Variants in EXTL3 observed in about 807,000 individuals in gnomAD.
EXTL3 encodes the protein exostosin like glycosyltransferase 3.
A neutral mutation model predicts 69.3 loss-of-function variants in EXTL3; 27 were observed. That is an observed-to-expected ratio of 0.39 (90% CI 0.29 to 0.54). The LOEUF (loss-of-function observed/expected upper bound fraction) is 0.54, where lower values mean the gene tolerates loss of function less well. Ranked by LOEUF, EXTL3 falls within the 20% of genes least tolerant of loss-of-function variation. The probability of loss-of-function intolerance (pLI) is 0.69; values close to 1 mark genes in which losing one functional copy is unlikely to be tolerated. For synonymous variants in EXTL3, 511 were observed against 499.4 expected (o/e 1.02, Z -0.31); for missense variants, 1,003 against 1,231.8 (o/e 0.81, Z 2.78).
intron 2 of EXTL3, among the ~76,000 whole-genome samples, chr8:28,613,701 G>A (rs10110682): frequency 0.037 from 5,699 of 152,200 alleles, 285 homozygotes; most frequent in African/African-American, 0.11. Flanking sequence ...TTCTCCTTAT[G>A]TGAGTTCAAG....
upstream of EXTL3, among the ~76,000 whole-genome samples, chr8:28,621,786 G>A (rs1402998103): frequency 6.6e-6 from 1 of 152,186 alleles, no homozygotes; most frequent in African/African-American, 2.4e-5. Flanking sequence ...CTACTTGGAA[G>A]CTGCTTCTTC....
intron 1 of EXTL3, among the ~76,000 whole-genome samples, chr8:28,684,788 G>A (rs1384504914): frequency 6.6e-6 from 1 of 152,088 alleles, no homozygotes; most frequent in Non-Finnish European, 1.5e-5. Flanking sequence ...CATTTCAAAC[G>A]TGCAGAAAAG....
intron 5 of EXTL3, chr8:28,739,842 C>A (rs1225123404): frequency 6.6e-6 from 1 of 152,172 alleles, no homozygotes; most frequent in Non-Finnish European, 1.5e-5. Context: ...TTCACACTTG[C>A]TCAGCTAAGA....
At chr8:28,693,219 G>C (rs1205915492) in intron 1 of EXTL3, among the ~76,000 whole-genome samples, 1 of 148,012 alleles carries the variant, frequency 6.8e-6, no homozygotes, top group Non-Finnish European at 1.5e-5. Flanking sequence ...GCATAATCTC[G>C]GCTCACAGCA....
At chr8:28,629,509 C>T (rs1806542272) in intron 1 of EXTL3, among the ~76,000 whole-genome samples, 1 of 152,088 alleles carries the variant, frequency 6.6e-6, no homozygotes, top group Non-Finnish European at 1.5e-5. Flanking sequence ...AACCATCTGC[C>T]ATCTTTATTC....
Position 28,703,677 on chromosome 8 carries a change from G to C in EXTL3, c.-570+2018G>C, listed in dbSNP as rs919903799. 5.3e-5 allele frequency among the ~76,000 whole-genome samples: 8 copies of C among 152,204 alleles called. No homozygotes were observed. In the East Asian group the frequency reaches 1.5e-3, roughly 29 times the overall value. The stretch of plus-strand genomic sequence containing the variant: ...ACTCAGGTGTTAGGAGAAAAATGAA[G>C]TCCCATCAGACCTACTCTTGGTAAA... On this transcript the variant is annotated intron_variant, in intron 1 of 6. Coordinates refer to ENST00000220562, the MANE Select transcript of EXTL3 (RefSeq NM_001440.4).
At chr8:28,719,244 C>T (rs1233288782) in intron 3 of EXTL3, among the ~76,000 whole-genome samples, 4 of 152,174 alleles carry the variant, frequency 2.6e-5, no homozygotes, top group Admixed American at 6.5e-5. Flanking sequence ...ATTAAGTAGT[C>T]ATTTCGTGAT....
intron 1 of EXTL3, among the ~76,000 whole-genome samples, chr8:28,693,148 AT>A (rs749978399): frequency 0.034 from 4,644 of 135,186 alleles, 93 homozygotes; most frequent in Admixed American, 0.073. Flanking sequence ...CAGATAACAG[AT>A]TTTTTTTTTT....
chr8:28,646,609 T>C (rs1455069002), intron 1 of EXTL3, among the ~76,000 whole-genome samples: 1 of 152,228 alleles, frequency 6.6e-6, no homozygotes, highest in Admixed American at 6.5e-5. Context: ...GGTTACCTTG[T>C]AACTTCCAGT....
chr8:28,742,689 T>C lies in EXTL3; in HGVS notation c.2422-397T>C, dbSNP rs1020255841. On this transcript the variant is annotated intron_variant, in intron 5 of 6. Coordinates refer to ENST00000220562, the MANE Select transcript of EXTL3 (RefSeq NM_001440.4). ...GTGTGTTTCATGGTTCTGTGATTTA[T>C]TGAGGTCTGAGAAAATAACCAGGCT... 256 of 325,162 alleles carry C rather than the reference T, an allele frequency of 7.9e-4. 1 individual carries two copies. Among genetic ancestry groups the C allele is most frequent in the East Asian group, 4.2e-4 (5 of 12,034 alleles). 20.1% of individuals were successfully genotyped at this position (325,162 alleles called of 1,614,324 possible). A position where few individuals can be genotyped will look rare whatever the true frequency, so the allele number is the denominator to read the frequency against.
intron 1 of EXTL3, among the ~76,000 whole-genome samples, chr8:28,622,976 TCGTCCTGCCCGCGGGCCGGA>T (rs1385835887): frequency 6.6e-6 from 1 of 151,982 alleles, no homozygotes; most frequent in Non-Finnish European, 1.5e-5. Context: ...TCTGGCCCCG[TCGTCCTGCCCGCGGGCCGGA>T]CGTGGGGCGC....
At chr8:28,744,751 C>G (rs1801850238) in intron 6 of EXTL3, among the ~76,000 whole-genome samples, 1 of 151,648 alleles carries the variant, frequency 6.6e-6, no homozygotes, top group Non-Finnish European at 1.5e-5. Flanking sequence ...CAAGATCGCG[C>G]CACTGCACTC....
At chr8:28,705,921 G>A (rs1449388908) in intron 1 of EXTL3, among the ~76,000 whole-genome samples, 1 of 152,204 alleles carries the variant, frequency 6.6e-6, no homozygotes, top group East Asian at 1.9e-4. Context: ...CAATCTAGAA[G>A]TGCCTCTGTT....
intron 1 of EXTL3, 47 bp from the exon 2 acceptor site, chr8:28,713,410 G>A: frequency 1.5e-6 from 1 of 666,458 alleles, no homozygotes; most frequent in East Asian, 2.7e-5. Context: ...TTTTCTAATA[G>A]TATGTCACTG....
chr8:28,619,335 G>C (rs1023243485), upstream of EXTL3, among the ~76,000 whole-genome samples: 3 of 122,984 alleles, frequency 2.4e-5, no homozygotes, highest in South Asian at 2.8e-4. Flanking sequence ...AGCCCTGGAC[G>C]CTCTAACCTA....
At chr8:28,619,048 C>A (rs1451901414), upstream of EXTL3, among the ~76,000 whole-genome samples, 24 of 139,182 alleles carry the variant, frequency 1.7e-4, no homozygotes, top group African/African-American at 6.3e-4. Flanking sequence ...GCCAAGATTG[C>A]ACCACTGCAC....
chr8:28,625,595 A>G (rs1197047963), intron 1 of EXTL3, among the ~76,000 whole-genome samples: 2 of 152,228 alleles, frequency 1.3e-5, no homozygotes, highest in Non-Finnish European at 2.9e-5. Flanking sequence ...CTCTATTCCT[A>G]TTCATGTATT....
chr8:28,671,397 C>T (rs1028865693), intron 1 of EXTL3, among the ~76,000 whole-genome samples: 3 of 150,834 alleles, frequency 2.0e-5, no homozygotes, highest in African/African-American at 4.9e-5. Context: ...CTCTCTCCTC[C>T]GCAACCTCTC....
Position 28,731,224 on chromosome 8 carries a change from T to A in EXTL3, c.2150T>A (p.Val717Glu). The change falls in exon 4 of 7, where the codon GTG (valine) becomes GAG (glutamate). Residue 717 changes from valine to glutamate, a missense_variant and splice_region_variant. Val to Glu is a moderately radical substitution (Grantham distance 121). Coordinates refer to ENST00000220562, the MANE Select transcript of EXTL3 (RefSeq NM_001440.4). ...AATGTTTTTCCTTCCTCATCACAGG[T>A]GGTCCGTACTGAGAAGAACAGTTTG... is the stretch of plus-strand genomic sequence containing the variant. ...LWPDIGVPIM[V>E]VRTEKNSLNN... 6.2e-7 allele frequency: 1 copy of A among 1,614,194 alleles called. No homozygotes were observed. Among genetic ancestry groups the A allele is most frequent in the Non-Finnish European group, 8.5e-7 (1 of 1,180,022 alleles).
Sources: gnomAD v4.1 joint callset for allele counts (sites outside exome capture counted in the v4.1 genomes callset) on GRCh38, gnomAD v4.1.1 for gene constraint, MANE v1.5 for transcripts, NCBI Gene and HGNC (gene_info 2026-07-23, HGNC 2026-07-21) for gene names.